Variants in DNAAF10 observed in about 807,000 individuals in gnomAD.
The protein encoded by DNAAF10 is WD repeat domain 92.
DNAAF10 carries 28 observed loss-of-function variants against 43.7 expected under a neutral mutation model. That is an observed-to-expected ratio of 0.64 (90% CI 0.48 to 0.88). DNAAF10 has a LOEUF of 0.88. DNAAF10 is among the 40% of genes least tolerant of loss of function. The pLI, the probability that DNAAF10 is intolerant of heterozygous loss-of-function variation, is 0.00. For synonymous variants in DNAAF10, 156 were observed against 157.3 expected (o/e 0.99, Z 0.06); for missense variants, 403 against 439.1 (o/e 0.92, Z 0.73).
chr2:68,137,126 A>G (rs1673061502), intron 6 of DNAAF10, among the ~76,000 whole-genome samples, 173 bp downstream of exon 6: 1 of 152,202 alleles, frequency 6.6e-6, no homozygotes, highest in Admixed American at 6.5e-5. Context: ...AAGTTGATAA[A>G]CTTTGGGGAA....
intron 3 of DNAAF10, 112 bp downstream of exon 3, chr2:68,144,473 A>G (rs1284938651): frequency 2.2e-6 from 3 of 1,365,078 alleles, no homozygotes; most frequent in Admixed American, 2.3e-5. Flanking sequence ...AGACTGTTAG[A>G]TTTAGGGAGT....
At chr2:68,151,094 A>G (rs1673447047) in intron 1 of DNAAF10, among the ~76,000 whole-genome samples, 1 of 152,258 alleles carries the variant, frequency 6.6e-6, no homozygotes, top group South Asian at 2.1e-4. Context: ...CTTTATTACA[A>G]ATATAAAGGA....
At chr2:68,149,290 T>C (rs1318746646) in intron 1 of DNAAF10, among the ~76,000 whole-genome samples, 4 of 152,222 alleles carry the variant, frequency 2.6e-5, no homozygotes, top group Non-Finnish European at 4.4e-5. Flanking sequence ...TTTCCTATTG[T>C]TTGTGATCTA....
intron 1 of DNAAF10, among the ~76,000 whole-genome samples, chr2:68,153,745 G>GTTT (rs35521976): frequency 1.1e-3 from 87 of 78,422 alleles, no homozygotes; most frequent in Middle Eastern, 8.8e-3. Context: ...ACACAATGAA[G>GTTT]TTTTTTTTTT....
chr2:68,146,936 C>T (rs1673331037), intron 2 of DNAAF10, among the ~76,000 whole-genome samples: 3 of 152,086 alleles, frequency 2.0e-5, no homozygotes, highest in Admixed American at 1.3e-4. Context: ...TAAGAAACAA[C>T]TCTAGGTAAA....
At chr2:68,142,569 T>C (rs1248739639) in intron 3 of DNAAF10, among the ~76,000 whole-genome samples, 3 of 152,188 alleles carry the variant, frequency 2.0e-5, no homozygotes, top group Non-Finnish European at 4.4e-5. Flanking sequence ...TAGAATACTA[T>C]TTCATATACA....
intron 5 of DNAAF10, 21 bp from the exon 6 acceptor site, chr2:68,137,454 T>C (rs771265614): frequency 1.3e-6 from 2 of 1,599,778 alleles, no homozygotes; most frequent in African/African-American, 2.7e-5. Context: ...AGAATACTTA[T>C]TATTGGTAGT....
At chr2:68,154,140 T>A (rs1673527541) in intron 1 of DNAAF10, among the ~76,000 whole-genome samples, 1 of 152,202 alleles carries the variant, frequency 6.6e-6, no homozygotes, top group Non-Finnish European at 1.5e-5. Flanking sequence ...AACTTTTAAA[T>A]CTCTTCGGTC....
chr2:68,137,429 C>T lies in DNAAF10; in HGVS notation c.638G>A (p.Cys213Tyr). Residue 213 changes from cysteine to tyrosine, a missense_variant, in exon 6 of 8, where the codon TGT becomes TAT. By Grantham distance (194) the Cys-to-Tyr change is radical. Transcript: ENST00000295121. ...RWETNIKNGV[C>Y]SLEFDRKDIS... is the part of the protein sequence containing the mutation. The stretch of plus-strand genomic sequence containing the variant: ...GTCTTTTCTGTCAAACTCCAAGCTA[C>T]ACACCTGAAAACAGAGAATACTTAT... 2 of 1,610,348 alleles carry T rather than the reference C, an allele frequency of 1.2e-6. No individual in the cohort carries two copies. The highest frequency in any genetic ancestry group is 1.7e-6 in the Non-Finnish European group (2 of 1,178,308).
At chr2:68,156,641 C>T (rs1325742257) in intron 1 of DNAAF10, among the ~76,000 whole-genome samples, 8 of 152,118 alleles carry the variant, frequency 5.3e-5, no homozygotes, top group African/African-American at 1.7e-4. Flanking sequence ...CCTGCTTATC[C>T]CTCTAGTTTC....
intron 2 of DNAAF10, among the ~76,000 whole-genome samples, chr2:68,145,575 T>G (rs1673297529): frequency 6.6e-6 from 1 of 152,204 alleles, no homozygotes; most frequent in African/African-American, 2.4e-5. Context: ...ATTTCTTCCT[T>G]TATAATGTAC....
At chr2:68,134,129 T>C in intron 7 of DNAAF10, 12 of 985,348 alleles carry the variant, frequency 1.2e-5, no homozygotes, top group Non-Finnish European at 1.3e-5. Context: ...TTTTGTTTTG[T>C]TTCCTTTTCA....
At chr2:68,137,878 ATT>A (rs757832176) in intron 5 of DNAAF10, among the ~76,000 whole-genome samples, 17 of 112,134 alleles carry the variant, frequency 1.5e-4, no homozygotes, top group African/African-American at 2.7e-4. Flanking sequence ...AAAAAAAAAC[ATT>A]TTTTTTTTTT....
chr2:68,139,287 C>T (rs780688653), intron 4 of DNAAF10, among the ~76,000 whole-genome samples: 40 of 152,136 alleles, frequency 2.6e-4, no homozygotes, highest in South Asian at 8.3e-4. Flanking sequence ...CTCCCTCTCT[C>T]GCCATGTGAC....
intron 6 of DNAAF10, among the ~76,000 whole-genome samples, chr2:68,136,882 T>G (rs186314349): frequency 6.6e-6 from 1 of 151,840 alleles, no homozygotes; most frequent in East Asian, 1.9e-4. Flanking sequence ...ATAATTTCAT[T>G]TAATATAGCA....
chr2:68,152,051 A>T (rs1572927824), intron 1 of DNAAF10, among the ~76,000 whole-genome samples: 2 of 152,224 alleles, frequency 1.3e-5, no homozygotes, highest in East Asian at 3.8e-4. Flanking sequence ...TCATTCTGTA[A>T]ACCTGAGCGT....
Position 68,130,056 on chromosome 2 carries a change from T to C in DNAAF10, c.*1182A>G, listed in dbSNP as rs1223333209. 6.7e-6 allele frequency: 1 copy of C among 149,254 alleles called. No individual in the cohort carries two copies. Among genetic ancestry groups the C allele is most frequent in the African/African-American group, 2.5e-5 (1 of 40,414 alleles). 9.2% of individuals were successfully genotyped at this position (149,254 alleles called of 1,614,324 possible). On this transcript the variant is annotated 3_prime_UTR_variant, in exon 8 of 8. Transcript: ENST00000295121. ...AAATCAAAGCATTTTGTTTTATGAA[T>C]TAAATTGCAGAAAATAGCTACCCAA...
intron 6 of DNAAF10, 62 bp downstream of exon 6, chr2:68,137,237 A>G (rs1239707149): frequency 2.0e-6 from 3 of 1,502,312 alleles, no homozygotes; most frequent in Non-Finnish European, 2.7e-6. Flanking sequence ...GACTAATTCT[A>G]CTTATCAGTC....
chr2:68,131,872 C>T (rs1480428099), intron 7 of DNAAF10: 2 of 189,226 alleles, frequency 1.1e-5, no homozygotes, highest in Non-Finnish European at 2.3e-5. Flanking sequence ...ATTTGCAGAA[C>T]TTCATCTAAA....
Sources: allele counts gnomAD v4.1 joint callset (sites outside exome capture counted in the v4.1 genomes callset), GRCh38; gene constraint gnomAD v4.1.1; transcripts MANE v1.5; gene names NCBI Gene and HGNC (gene_info 2026-07-23, HGNC 2026-07-21).